ARHGEF6: variants seen among roughly 807,000 people sequenced by gnomAD.
ARHGEF6 encodes the protein rho guanine nucleotide exchange factor 6.
In ARHGEF6, 9 loss-of-function variants were observed where a neutral mutation model predicts 70.3. The ratio of observed to expected loss-of-function variants is 0.13; its 90% CI spans 0.08 to 0.22. The LOEUF (loss-of-function observed/expected upper bound fraction) is 0.22. Ranked by LOEUF, ARHGEF6 falls within the 10% of genes least tolerant of loss-of-function variation. The probability of loss-of-function intolerance (pLI) is 1.00; values close to 1 mark genes in which losing one functional copy is unlikely to be tolerated. For missense variants in ARHGEF6, 470 were observed against 563.0 expected, an observed-to-expected ratio of 0.83 and a Z score of 1.67; for synonymous variants, 201 against 207.8, an observed-to-expected ratio of 0.97 and a Z score of 0.28.
intron 2 of ARHGEF6, among the ~76,000 whole-genome samples, chrX:136,769,342 G>A (rs928189662): frequency 3.6e-5 from 4 of 111,401 alleles, no homozygotes; most frequent in African/African-American, 6.5e-5. Context: ...AACCCGGGAG[G>A]TGGAGGCTGC....
intron 13 of ARHGEF6, among the ~76,000 whole-genome samples, chrX:136,682,215 T>G (rs1025089980): frequency 8.9e-6 from 1 of 112,301 alleles, no homozygotes; most frequent in African/African-American, 3.2e-5. Flanking sequence ...AGTTTACTTT[T>G]CTAACACATT....
At chrX:136,700,482 G>A (rs1032616942) in intron 9 of ARHGEF6, among the ~76,000 whole-genome samples, 16 of 110,564 alleles carry the variant, frequency 1.4e-4, no homozygotes, top group South Asian at 7.9e-4. Flanking sequence ...AGCTGAGATC[G>A]CGCCACTGCA....
At chrX:136,743,156 C>T (rs2077062336) in intron 5 of ARHGEF6, among the ~76,000 whole-genome samples, 1 of 111,610 alleles carries the variant, frequency 9.0e-6, no homozygotes. Flanking sequence ...TATTATCTCT[C>T]ATGTCTGAGG....
At chrX:136,761,363 G>A (rs968696859) in intron 2 of ARHGEF6, among the ~76,000 whole-genome samples, 1 of 111,955 alleles carries the variant, frequency 8.9e-6, no homozygotes, top group African/African-American at 3.2e-5. Context: ...TCTGTTCCAT[G>A]GATATCACTG....
At chrX:136,738,279 A>G (rs904307088) in intron 5 of ARHGEF6, among the ~76,000 whole-genome samples, 2 of 111,175 alleles carry the variant, frequency 1.8e-5, no homozygotes, top group Non-Finnish European at 3.8e-5. Flanking sequence ...CTTCAGACCT[A>G]TGACTCGGTG....
intron 7 of ARHGEF6, among the ~76,000 whole-genome samples, chrX:136,712,683 C>T (rs1394746346): frequency 8.9e-6 from 1 of 112,183 alleles, no homozygotes; most frequent in Non-Finnish European, 1.9e-5. Flanking sequence ...TTCATGAAAA[C>T]TAAAGCTTTC....
At chrX:136,767,058 C>T (rs1176025305) in intron 2 of ARHGEF6, 3 of 735,016 alleles carry the variant, frequency 4.1e-6, no homozygotes, top group East Asian at 3.1e-4. Flanking sequence ...AAGGGCGGTT[C>T]CTCTCCAAAG....
intron 18 of ARHGEF6, 86 bp from the exon 19 acceptor site, chrX:136,675,182 T>C (rs889957178): frequency 6.2e-6 from 5 of 810,406 alleles, no homozygotes; most frequent in Non-Finnish European, 9.2e-6. Context: ...TGCCTGGGAC[T>C]GGCTTCTCTG....
In ARHGEF6 at chrX:136,753,215, C is replaced by A. The variant is rs747909411; in HGVS notation, c.250-5623G>T. Among the ~76,000 whole-genome samples the A allele has an allele frequency of 6.2e-5, 7 of 112,305 alleles. No individual in the cohort carries two copies. In the East Asian group the frequency reaches 1.9e-3, roughly 31 times the overall value. ...TTGATATGGACCAAACTTAAGGGAGCAAATCTTGCTCTCAACTTTTATTTC... is the reference window on the plus strand; with the variant it reads ...TTGATATGGACCAAACTTAAGGGAGAAAATCTTGCTCTCAACTTTTATTTC... On this transcript the variant is annotated intron_variant, in intron 2 of 21. Coordinates refer to ENST00000250617, the MANE Select transcript of ARHGEF6 (RefSeq NM_004840.3).
intron 11 of ARHGEF6, among the ~76,000 whole-genome samples, chrX:136,686,765 T>A (rs1284668362): frequency 5.2e-5 from 5 of 96,224 alleles, no homozygotes; most frequent in African/African-American, 1.9e-4. Flanking sequence ...TGTGAGGTTA[T>A]CTTAGAGTAA....
chrX:136,762,060 A>C (rs1603354633), intron 2 of ARHGEF6, among the ~76,000 whole-genome samples: 1 of 110,686 alleles, frequency 9.0e-6, no homozygotes, highest in East Asian at 2.9e-4. Flanking sequence ...GATTACAGGC[A>C]CCCGCCATCA....
chrX:136,738,384 C>T (rs1347636208), intron 5 of ARHGEF6, among the ~76,000 whole-genome samples: 2 of 111,652 alleles, frequency 1.8e-5, no homozygotes, highest in Non-Finnish European at 3.8e-5. Flanking sequence ...CAACCTCTGC[C>T]TCCTCCTGTC....
At chrX:136,726,732 CA>C (rs1461689502) in intron 6 of ARHGEF6, among the ~76,000 whole-genome samples, 9 of 112,423 alleles carry the variant, frequency 8.0e-5, no homozygotes, top group Non-Finnish European at 1.7e-4. Flanking sequence ...AAAGCAAGAA[CA>C]AAATAAATGA....
At chrX:136,705,530 C>A (rs2076618134) in intron 9 of ARHGEF6, among the ~76,000 whole-genome samples, 1 of 111,844 alleles carries the variant, frequency 8.9e-6, no homozygotes, top group South Asian at 3.8e-4. Context: ...GGGCACATTA[C>A]TTAACCTAAG....
In ARHGEF6 at chrX:136,685,731, G is replaced by A. The variant is rs774632734; in HGVS notation, c.1338C>T (p.Asn446=). The A allele has an allele frequency of 2.5e-6, 3 of 1,208,855 alleles. No homozygotes were observed. The African/African-American group carries it at 5.3e-5, about 21-fold the overall frequency. Residue 446 remains asparagine (N), a synonymous_variant, in exon 12 of 22, where the codon AAC becomes AAT. Coordinates refer to ENST00000250617, the MANE Select transcript of ARHGEF6 (RefSeq NM_004840.3). ...IQAWEGEDIK[N]LGNVIFMSQV... is the part of the protein sequence containing the mutation. ...GTGACATAAAAATCACATTTCCCAA[G>A]TTTTTAATATCTTCTCCTTCCCATG...
Position 136,667,656 on chromosome X carries a change from G to A in ARHGEF6, c.*373C>T. 1 of 222,690 alleles carries A rather than the reference G, an allele frequency of 4.5e-6. No individual in the cohort carries two copies. Among genetic ancestry groups the A allele is most frequent in the South Asian group, 6.6e-5 (1 of 15,104 alleles). 18.4% of individuals were successfully genotyped at this position (222,690 alleles called of 1,213,427 possible). On this transcript the variant is annotated 3_prime_UTR_variant, in exon 22 of 22. Transcript: ENST00000250617. ...CCAAAGAATGTGACCTGAGGGCAAT[G>A]GCTGTTGCAGAGGCACTGTGAACTG...
chrX:136,705,526 A>G (rs997425039), intron 9 of ARHGEF6, among the ~76,000 whole-genome samples: 3 of 111,917 alleles, frequency 2.7e-5, no homozygotes, highest in Non-Finnish European at 5.6e-5. Flanking sequence ...TCTTGGGCAC[A>G]TTACTTAACC....
intron 6 of ARHGEF6, among the ~76,000 whole-genome samples, chrX:136,721,819 T>C (rs1439811389): frequency 2.7e-5 from 3 of 110,981 alleles, no homozygotes; most frequent in African/African-American, 9.8e-5. Flanking sequence ...TCAAGGGATA[T>C]GAAACATCTG....
chrX:136,679,882 G>A (rs1986773490), intron 15 of ARHGEF6, among the ~76,000 whole-genome samples: 2 of 112,321 alleles, frequency 1.8e-5, no homozygotes. Context: ...CCATGATCCT[G>A]TCCTCTCTTT....
Sources: allele counts gnomAD v4.1 joint callset (sites outside exome capture counted in the v4.1 genomes callset), GRCh38; gene constraint gnomAD v4.1.1; transcripts MANE v1.5; gene names NCBI Gene and HGNC (gene_info 2026-07-23, HGNC 2026-07-21).